The following SLC35D4 variants were observed in gnomAD, a reference collection of about 807,000 sequenced individuals.
SLC35D4 encodes UDP-N-acetylglucosamine transporter SLC35D4.
chr18:23,253,550 G>T, the SLC35D4 span, among the ~76,000 whole-genome samples: 3 of 152,180 alleles, frequency 2.0e-5, no homozygotes, highest in East Asian at 5.8e-4. Flanking sequence ...CCAAAGCCCA[G>T]CTATGTAAAT....
chr18:23,423,524 T>C, the SLC35D4 span, among the ~76,000 whole-genome samples: 2 of 152,184 alleles, frequency 1.3e-5, no homozygotes, highest in African/African-American at 2.4e-5. Context: ...TGCAGGGCAG[T>C]CCCCGCTGCA....
At chr18:23,254,294 A>G in the SLC35D4 span, among the ~76,000 whole-genome samples, 1 of 152,224 alleles carries the variant, frequency 6.6e-6, no homozygotes, top group Admixed American at 6.5e-5. Context: ...TTGCTTCAGT[A>G]AGACCTTGGC....
At chr18:23,291,723 G>A in the SLC35D4 span, among the ~76,000 whole-genome samples, 1 of 152,216 alleles carries the variant, frequency 6.6e-6, no homozygotes, top group Non-Finnish European at 1.5e-5. Context: ...CCTGGCCTTG[G>A]GAGTCACATA....
chr18:23,384,518 G>T, the SLC35D4 span, among the ~76,000 whole-genome samples: 1 of 152,216 alleles, frequency 6.6e-6, no homozygotes, highest in Non-Finnish European at 1.5e-5. Flanking sequence ...GAACAAGCTG[G>T]TGTCATTATT....
At chr18:23,412,774 T>C in the SLC35D4 span, among the ~76,000 whole-genome samples, 2 of 152,218 alleles carry the variant, frequency 1.3e-5, no homozygotes, top group African/African-American at 2.4e-5. Context: ...CGGCACACTG[T>C]CACACCCAAC....
the SLC35D4 span, among the ~76,000 whole-genome samples, chr18:23,349,014 C>T: frequency 6.6e-6 from 1 of 152,204 alleles, no homozygotes; most frequent in Non-Finnish European, 1.5e-5. Context: ...CTGGCCTCCA[C>T]TGTTTGTGAT....
At chr18:23,276,223 G>A in the SLC35D4 span, among the ~76,000 whole-genome samples, 1 of 151,972 alleles carries the variant, frequency 6.6e-6, no homozygotes, top group South Asian at 2.1e-4. Flanking sequence ...GAGTAGCTGG[G>A]ACTACAGGCA....
the SLC35D4 span, among the ~76,000 whole-genome samples, chr18:23,301,207 G>A: frequency 6.6e-6 from 1 of 152,146 alleles, no homozygotes; most frequent in Non-Finnish European, 1.5e-5. Context: ...GGGCTCTGCC[G>A]AGTGAGTTCA....
chr18:23,289,946 ACT>A, the SLC35D4 span, among the ~76,000 whole-genome samples: 2 of 150,860 alleles, frequency 1.3e-5, no homozygotes, highest in Non-Finnish European at 3.0e-5. Context: ...CCCTTTGCTG[ACT>A]CTCTTTTCGG....
the SLC35D4 span, among the ~76,000 whole-genome samples, chr18:23,384,002 G>GA: frequency 6.3e-5 from 1 of 15,974 alleles, no homozygotes; most frequent in Non-Finnish European, 1.4e-4. Context: ...TCCAAAAATT[G>GA]GGGGGGGGGG....
the SLC35D4 span, among the ~76,000 whole-genome samples, chr18:23,320,860 T>G: frequency 6.6e-6 from 1 of 152,220 alleles, no homozygotes; most frequent in Non-Finnish European, 1.5e-5. Context: ...ACGTGGCAAC[T>G]GTCTTTAGGG....
At chr18:23,328,171 C>T in the SLC35D4 span, among the ~76,000 whole-genome samples, 2 of 152,310 alleles carry the variant, frequency 1.3e-5, no homozygotes, top group Non-Finnish European at 2.9e-5. Flanking sequence ...TCTCACCACT[C>T]CTGTTCAACA....
At chr18:23,411,853 A>G in the SLC35D4 span, among the ~76,000 whole-genome samples, 2 of 152,182 alleles carry the variant, frequency 1.3e-5, no homozygotes, top group African/African-American at 4.8e-5. Context: ...ATTAAATTAA[A>G]TTATTTGTTT....
chr18:23,421,179 G>A, the SLC35D4 span, among the ~76,000 whole-genome samples: 1 of 152,132 alleles, frequency 6.6e-6, no homozygotes, highest in Non-Finnish European at 1.5e-5. Context: ...GGGAAGCAGA[G>A]GTTGCAGCGA....
At chr18:23,328,684 C>G in the SLC35D4 span, among the ~76,000 whole-genome samples, 3 of 152,160 alleles carry the variant, frequency 2.0e-5, no homozygotes, top group African/African-American at 7.2e-5. Flanking sequence ...TGACTTTCTT[C>G]ACAGAATTGG....
At chr18:23,242,425 CAG>C in the SLC35D4 span, among the ~76,000 whole-genome samples, 2 of 152,168 alleles carry the variant, frequency 1.3e-5, no homozygotes, top group African/African-American at 4.8e-5. Flanking sequence ...TGGTGTGTCT[CAG>C]GGGAGGGCGG....
At chr18:23,328,484 A>G in the SLC35D4 span, among the ~76,000 whole-genome samples, 1 of 152,220 alleles carries the variant, frequency 6.6e-6, no homozygotes, top group Non-Finnish European at 1.5e-5. Context: ...ATACCTAGGA[A>G]TCCAACTCAC....
the SLC35D4 span, among the ~76,000 whole-genome samples, chr18:23,380,652 T>C: frequency 1.3e-5 from 2 of 152,180 alleles, no homozygotes; most frequent in African/African-American, 2.4e-5. Flanking sequence ...TGACATTTCA[T>C]AGGTACTTGA....
At chr18:23,279,934 G>A in the SLC35D4 span, among the ~76,000 whole-genome samples, 1 of 152,048 alleles carries the variant, frequency 6.6e-6, no homozygotes, top group Non-Finnish European at 1.5e-5. Context: ...TGAACTCCTG[G>A]GCTCAAGCGA....
Sources: allele counts gnomAD v4.1 joint callset (sites outside exome capture counted in the v4.1 genomes callset), GRCh38; gene constraint gnomAD v4.1.1; transcripts MANE v1.5; gene names NCBI Gene and HGNC (gene_info 2026-07-23, HGNC 2026-07-21).